KANSL1L: variants seen among roughly 807,000 people sequenced by gnomAD.
KANSL1L encodes the protein KAT8 regulatory NSL complex subunit 1-like protein.
In KANSL1L, 25 loss-of-function variants were observed where a neutral mutation model predicts 108.6. The ratio of observed to expected loss-of-function variants is 0.23; its 90% CI spans 0.17 to 0.32. The LOEUF is 0.32. Among genes scored for constraint, KANSL1L ranks in the 10% least tolerant of loss-of-function variants. The probability of loss-of-function intolerance (pLI) is 1.00; values close to 1 mark genes in which losing one functional copy is unlikely to be tolerated. For missense variants in KANSL1L, 1,137 were observed against 1,125.7 expected (o/e 1.01, Z -0.14); for synonymous variants, 405 against 395.1 (o/e 1.03, Z -0.30).
intron 3 of KANSL1L, among the ~76,000 whole-genome samples, chr2:210,127,922 C>G (rs537782961): frequency 2.0e-5 from 3 of 147,692 alleles, no homozygotes; most frequent in Admixed American, 6.8e-5. Flanking sequence ...AAAAAACAAG[C>G]AAGCAACCCA....
intron 1 of KANSL1L, chr2:210,170,315 A>C (rs1284914436): frequency 1.0e-6 from 1 of 974,510 alleles, no homozygotes; most frequent in Non-Finnish European, 1.2e-6. Flanking sequence ...AGTTTGGGGA[A>C]TCAAAAACGG....
intron 6 of KANSL1L, among the ~76,000 whole-genome samples, chr2:210,070,975 T>C (rs933145632): frequency 2.0e-5 from 3 of 151,890 alleles, no homozygotes; most frequent in Non-Finnish European, 4.4e-5. Context: ...CTGGCCAACA[T>C]GGTGAAACCT....
chr2:210,085,302 T>C (rs963049339), intron 5 of KANSL1L, among the ~76,000 whole-genome samples: 2 of 152,212 alleles, frequency 1.3e-5, no homozygotes, highest in Non-Finnish European at 2.9e-5. Flanking sequence ...GCTGAGAATA[T>C]GTGGGTTCAC....
chr2:210,071,576 C>T (rs2094508269), intron 6 of KANSL1L, among the ~76,000 whole-genome samples: 1 of 152,112 alleles, frequency 6.6e-6, no homozygotes, highest in South Asian at 2.1e-4. Context: ...ACCAAAGTTA[C>T]CCCTTTTTAT....
chr2:210,064,088 T>C (rs1241940383), intron 6 of KANSL1L: 1 of 152,156 alleles, frequency 6.6e-6, no homozygotes, highest in East Asian at 1.9e-4. Context: ...CTGATGGTTT[T>C]AAAAAGAGGA....
intron 9 of KANSL1L, 196 bp downstream of exon 9, chr2:210,031,225 T>C (rs1294426920): frequency 4.3e-6 from 2 of 470,154 alleles, no homozygotes; most frequent in African/African-American, 2.0e-5. Flanking sequence ...TTAATTGCCA[T>C]AAAGTGGGTA....
intron 3 of KANSL1L, among the ~76,000 whole-genome samples, 161 bp downstream of exon 3, chr2:210,128,870 T>C (rs1259339420): frequency 6.6e-6 from 1 of 152,188 alleles, no homozygotes. Flanking sequence ...CAAAAAGGCA[T>C]TACAAAAATA....
chr2:210,154,803 C>T (rs933972417), intron 1 of KANSL1L, among the ~76,000 whole-genome samples, 192 bp from the exon 2 acceptor site: 3 of 152,024 alleles, frequency 2.0e-5, no homozygotes, highest in African/African-American at 7.3e-5. Flanking sequence ...GGCCTAATAG[C>T]TAAAACCCCA....
At chr2:210,165,777 C>T (rs1340622660) in intron 1 of KANSL1L, among the ~76,000 whole-genome samples, 1 of 152,152 alleles carries the variant, frequency 6.6e-6, no homozygotes, top group Admixed American at 6.5e-5. Flanking sequence ...ATTAGTTGTT[C>T]TGAAATTGTG....
Position 210,130,732 on chromosome 2 carries a change from C to G in KANSL1L, c.1089-1560G>C, listed in dbSNP as rs74968868. Among the ~76,000 whole-genome samples, 609 of 152,252 alleles carry G rather than the reference C, an allele frequency of 4.0e-3. 1 individual carries two copies. The highest frequency in any genetic ancestry group is 6.7e-3 in the Non-Finnish European group (457 of 68,026). Reference sequence around the variant, plus strand: ...AGTTAACAGTTAGCAACACTAAATGCCAATCACAAAATCAGAGAAGGCAAG... The same window carrying G: ...AGTTAACAGTTAGCAACACTAAATGGCAATCACAAAATCAGAGAAGGCAAG... On this transcript the variant is annotated intron_variant, in intron 2 of 14. Coordinates refer to ENST00000281772, the MANE Select transcript of KANSL1L (RefSeq NM_152519.4).
At chr2:210,078,179 T>C (rs2094555706) in intron 5 of KANSL1L, among the ~76,000 whole-genome samples, 2 of 152,146 alleles carry the variant, frequency 1.3e-5, no homozygotes, top group Non-Finnish European at 1.5e-5. Context: ...TATCTAAACA[T>C]AGAAAAAGTA....
Position 210,169,534 on chromosome 2 carries a change from G to T in KANSL1L, c.-30+1615C>A, listed in dbSNP as rs532461558. Among the ~76,000 whole-genome samples, 8 of 152,200 alleles carry T rather than the reference G, an allele frequency of 5.3e-5. No individual in the cohort carries two copies. The East Asian group carries it at 1.2e-3, about 22-fold the overall frequency. On this transcript the variant is annotated intron_variant, in intron 1 of 14. Transcript: ENST00000281772. ...TTTTCCAATTACTTTATAATAATAA[G>T]ATTTAACAAAATAATCGATTGTTAT...
intron 12 of KANSL1L, 105 bp downstream of exon 12, chr2:210,027,191 G>T (rs949909579): frequency 2.9e-6 from 2 of 682,046 alleles, no homozygotes; most frequent in Middle Eastern, 3.2e-4. Flanking sequence ...AAAAATCAGT[G>T]TAAGTTAAAG....
In KANSL1L at chr2:210,022,314, AAC is replaced by A. The variant is rs1163604726; in HGVS notation, c.*633_*634del. 2 of 152,432 alleles carry A rather than the reference AAC, an allele frequency of 1.3e-5. No individual in the cohort carries two copies. The highest frequency in any genetic ancestry group is 2.9e-5 in the Non-Finnish European group (2 of 67,984). The allele number at this position is 152,432 out of a possible 1,614,324, so 9.4% of individuals were successfully genotyped here. On this transcript the variant is annotated 3_prime_UTR_variant, in exon 15 of 15. Coordinates refer to ENST00000281772, the MANE Select transcript of KANSL1L (RefSeq NM_152519.4). ...TGGTTAAACATGTTAAAACAACAAC[AAC>A]AACAACAAAAAACTTCTGTCTCTAT...
At chr2:210,063,442 G>C (rs2094439169) in intron 6 of KANSL1L, among the ~76,000 whole-genome samples, 1 of 152,198 alleles carries the variant, frequency 6.6e-6, no homozygotes, top group Non-Finnish European at 1.5e-5. Context: ...TAGAATGGTA[G>C]ATCTGCAGAC....
At chr2:210,028,816 G>A in intron 11 of KANSL1L, 29 bp downstream of exon 11, 1 of 1,469,134 alleles carries the variant, frequency 6.8e-7, no homozygotes, top group African/African-American at 1.4e-5. Flanking sequence ...AAGGAAGGAA[G>A]AAAAATATGA....
intron 6 of KANSL1L, among the ~76,000 whole-genome samples, chr2:210,061,725 CAA>C (rs762601170): frequency 2.0e-5 from 3 of 152,018 alleles, no homozygotes; most frequent in African/African-American, 4.8e-5. Context: ...GCTTAGACAG[CAA>C]AAGATATGAT....
intron 7 of KANSL1L, among the ~76,000 whole-genome samples, chr2:210,042,686 G>A (rs1435948070): frequency 6.6e-6 from 1 of 152,074 alleles, no homozygotes; most frequent in Non-Finnish European, 1.5e-5. Context: ...TATATACAAG[G>A]CTCAGTATAT....
At chr2:210,079,624 A>G (rs1481202388) in intron 5 of KANSL1L, among the ~76,000 whole-genome samples, 65 of 3,446 alleles carry the variant, frequency 0.019, 2 homozygotes, top group African/African-American at 0.044. Context: ...ATATATATAT[A>G]TATATATATA....
Sources: gnomAD v4.1 joint callset for allele counts (sites outside exome capture counted in the v4.1 genomes callset) on GRCh38, gnomAD v4.1.1 for gene constraint, MANE v1.5 for transcripts, NCBI Gene and HGNC (gene_info 2026-07-23, HGNC 2026-07-21) for gene names.